Variants in LRRD1 observed in about 807,000 individuals in gnomAD.
The protein encoded by LRRD1 is leucine rich repeats and death domain containing 1.
LRRD1 carries 49 observed loss-of-function variants against 69.5 expected under a neutral mutation model. That is an observed-to-expected ratio of 0.70 (90% CI 0.56 to 0.89). LRRD1 has a LOEUF of 0.89. LRRD1 is among the 40% of genes least tolerant of loss of function. LRRD1 has a pLI of 0.00. For missense variants in LRRD1, 853 were observed against 956.0 expected, an observed-to-expected ratio of 0.89 and a Z score of 1.42; for synonymous variants, 303 against 338.9, an observed-to-expected ratio of 0.89 and a Z score of 1.16.
chr7:92,165,621 G>A (rs1234975688), intron 1 of LRRD1, among the ~76,000 whole-genome samples: 1 of 152,086 alleles, frequency 6.6e-6, no homozygotes, highest in Admixed American at 6.6e-5. Flanking sequence ...AGCACTTTGG[G>A]AGGCCGAAGG....
At position 92,158,561 on chromosome 7, in the gene LRRD1, T is replaced by C. The variant is rs577945734; in HGVS notation, c.2116+444A>G. ...ATTTTCTTATCTACAATGTCATTTT[T>C]ATTTTGTTTTGGTTATTGTAATGCT... On this transcript the variant is annotated intron_variant, in intron 3 of 5. Transcript: ENST00000458448. Among the ~76,000 whole-genome samples the C allele has an allele frequency of 6.3e-4, 96 of 152,294 alleles. 2 individuals are homozygous for C. In the Middle Eastern group the frequency reaches 0.02, roughly 32 times the overall value.
intron 5 of LRRD1, 92 bp from the exon 6 acceptor site, chr7:92,145,166 G>T: frequency 1.4e-6 from 1 of 706,108 alleles, no homozygotes; most frequent in Non-Finnish European, 1.9e-6. Context: ...TGTCAATTAA[G>T]AACATTGCTT....
Position 92,146,189 on chromosome 7 carries a change from C to T in LRRD1, c.2290G>A (p.Glu764Lys). Residue 764 changes from glutamate (E) to lysine (K), a missense_variant, in exon 5 of 6, where the codon GAG becomes AAG. Coordinates refer to ENST00000458448, the MANE Select transcript of LRRD1 (RefSeq NM_001161528.2). ...RADERDEKIL[E>K]KIFKIVANNI... ...TTGGCAACTATCTTGAATATCTTCT[C>T]TAAAATTTTCTCTACGTTTGAACAT... 6.8e-7 allele frequency: 1 copy of T among 1,467,100 alleles called. No individual in the cohort carries two copies. Among genetic ancestry groups the T allele is most frequent in the Non-Finnish European group, 9.2e-7 (1 of 1,089,618 alleles). 90.9% of individuals were successfully genotyped at this position (1,467,100 alleles called of 1,614,324 possible). A position where few individuals can be genotyped will look rare whatever the true frequency, so the allele number is the denominator to read the frequency against.
intron 3 of LRRD1, among the ~76,000 whole-genome samples, chr7:92,155,332 C>G (rs963435329): frequency 5.3e-5 from 8 of 152,122 alleles, no homozygotes; most frequent in Non-Finnish European, 1.2e-4. Flanking sequence ...GATTCACAAC[C>G]CAGGTAGGAC....
chr7:92,173,567 G>A (rs1356617785), intron 1 of LRRD1, among the ~76,000 whole-genome samples: 1 of 152,044 alleles, frequency 6.6e-6, no homozygotes, highest in South Asian at 2.1e-4. Context: ...TGGCCAAGAG[G>A]TATATTAAAA....
chr7:92,159,333 A>C, intron 2 of LRRD1, 130 bp from the exon 3 acceptor site: 1 of 637,340 alleles, frequency 1.6e-6, no homozygotes, highest in Non-Finnish European at 2.5e-6. Flanking sequence ...ATTTTTTATT[A>C]TGTCACAAAT....
chr7:92,143,662 C>T (rs1820234075), downstream of LRRD1, among the ~76,000 whole-genome samples: 1 of 152,146 alleles, frequency 6.6e-6, no homozygotes, highest in Non-Finnish European at 1.5e-5. Flanking sequence ...CTCGCGCTGG[C>T]CCGCAAGCAC....
At chr7:92,160,829 A>ACAAAAG (rs1788780996) in intron 2 of LRRD1, among the ~76,000 whole-genome samples, 1 of 152,164 alleles carries the variant, frequency 6.6e-6, no homozygotes. Flanking sequence ...AAAAACAAAA[A>ACAAAAG]CAAAGAATGA....
intron 3 of LRRD1, among the ~76,000 whole-genome samples, chr7:92,157,278 T>C (rs1478562582): frequency 6.6e-6 from 1 of 152,116 alleles, no homozygotes; most frequent in African/African-American, 2.4e-5. Context: ...GGATTAGTTT[T>C]TGAATATTGA....
chr7:92,174,510 T>G (rs1789143671), intron 1 of LRRD1, among the ~76,000 whole-genome samples: 1 of 12,610 alleles, frequency 7.9e-5, no homozygotes, highest in African/African-American at 4.5e-4. Flanking sequence ...TATATATATA[T>G]TTTTTTTTTT....
Position 92,164,892 on chromosome 7 carries a change from G to A in LRRD1, c.311C>T (p.Thr104Ile). The change falls in exon 2 of 6, where the codon ACT (threonine) becomes ATT (isoleucine). Residue 104 changes from threonine (T) to isoleucine (I), a missense_variant. Around this residue, in one of 3 missense-constraint regions of LRRD1, gnomAD observed 15 missense variants for 40.9 expected, o/e 0.37. Transcript: ENST00000458448. ...AGCCTGATATTCTGCAGTCCTCCCAGTTAGTGATGATAAACTCTGTGAAGT... is the reference window on the plus strand; with the variant it reads ...AGCCTGATATTCTGCAGTCCTCCCAATTAGTGATGATAAACTCTGTGAAGT... ...TGTSQSLSSL[T>I]GRTAEYQALV... The A allele has an allele frequency of 6.4e-7, 1 of 1,551,534 alleles. No homozygotes were observed. Among genetic ancestry groups the A allele is most frequent in the Non-Finnish European group, 8.7e-7 (1 of 1,146,906 alleles).
At chr7:92,172,838 A>G (rs1411034176) in intron 1 of LRRD1, among the ~76,000 whole-genome samples, 1 of 152,174 alleles carries the variant, frequency 6.6e-6, no homozygotes, top group Non-Finnish European at 1.5e-5. Context: ...GGAAAAAAAA[A>G]TCCAATCCTA....
At chr7:92,178,016 C>T (rs999166564) in intron 1 of LRRD1, among the ~76,000 whole-genome samples, 2 of 152,122 alleles carry the variant, frequency 1.3e-5, no homozygotes, top group African/African-American at 4.8e-5. Flanking sequence ...TTATTTGTTT[C>T]CATATGAGCA....
chr7:92,170,092 T>A (rs1210539476), intron 1 of LRRD1, among the ~76,000 whole-genome samples: 2,118 of 84,334 alleles, frequency 0.025, no homozygotes, highest in African/African-American at 0.032. Flanking sequence ...GAGAGAGAAA[T>A]AAAGAAAGAG....
chr7:92,151,434 T>C lies in LRRD1; in HGVS notation c.2117-739A>G, dbSNP rs534833606. On this transcript the variant is annotated intron_variant, in intron 3 of 5. Coordinates refer to ENST00000458448, the MANE Select transcript of LRRD1 (RefSeq NM_001161528.2). ...TGCACTTATCACATTATATCAGAGA[T>C]ACCTCATATCCGCATGACATCACTA... Among the ~76,000 whole-genome samples, 3 of 152,342 alleles carry C rather than the reference T, an allele frequency of 2.0e-5. No individual in the cohort carries two copies. In the South Asian group the frequency reaches 6.2e-4, roughly 32 times the overall value.
intron 2 of LRRD1, 134 bp downstream of exon 2, chr7:92,163,152 G>T: frequency 2.1e-6 from 1 of 480,454 alleles, no homozygotes; most frequent in Non-Finnish European, 3.5e-6. Context: ...GACGGGGAGG[G>T]CTTTCATTTA....
intron 4 of LRRD1, 51 bp downstream of exon 4, chr7:92,150,483 A>T: frequency 7.1e-7 from 1 of 1,416,346 alleles, no homozygotes; most frequent in Non-Finnish European, 9.4e-7. Context: ...TTAAAATAAA[A>T]TAAAATAAAA....
chr7:92,145,046 G>GGT lies in LRRD1; in HGVS notation c.2423_2424dup (p.Gln809ThrfsTer16). On this transcript the variant is annotated frameshift_variant, in exon 6 of 6. Coordinates refer to ENST00000458448, the MANE Select transcript of LRRD1 (RefSeq NM_001161528.2). LOFTEE classifies it high-confidence loss of function. ...TGTGTTTTCCATATAACAAGTGCTT[G>GGT]GTGGGCTCTCTCACTTAATGAAACA... 1 of 1,502,226 alleles carries GGT rather than the reference G, an allele frequency of 6.7e-7. No homozygotes were observed. Among genetic ancestry groups the GGT allele is most frequent in the Non-Finnish European group, 8.9e-7 (1 of 1,118,794 alleles). The allele number at this position is 1,502,226 out of a possible 1,614,324, so 93.1% of individuals were successfully genotyped here.
At chr7:92,178,573 G>A (rs1446184700) in intron 1 of LRRD1, among the ~76,000 whole-genome samples, 1 of 151,770 alleles carries the variant, frequency 6.6e-6, no homozygotes, top group Non-Finnish European at 1.5e-5. Flanking sequence ...GGGAGGCTGA[G>A]ACAGGAGAAT....
Sources: gnomAD v4.1 joint callset for allele counts (sites outside exome capture counted in the v4.1 genomes callset) on GRCh38, gnomAD v4.1.1 for gene constraint, gnomAD v4.1.1 regional missense constraint, MANE v1.5 for transcripts, NCBI Gene and HGNC (gene_info 2026-07-23, HGNC 2026-07-21) for gene names.